The following SLIT3 variants were observed in gnomAD, a reference collection of about 807,000 sequenced individuals.
SLIT3 encodes the protein slit homolog 3 protein.
A neutral mutation model predicts 184.0 loss-of-function variants in SLIT3; 68 were observed. That is an observed-to-expected ratio of 0.37 (90% CI 0.30 to 0.45). The LOEUF (loss-of-function observed/expected upper bound fraction) is 0.45. Among genes scored for constraint, SLIT3 ranks in the 20% least tolerant of loss-of-function variants. The probability of loss-of-function intolerance (pLI) is 1.00; values close to 1 mark genes in which losing one functional copy is unlikely to be tolerated. For synonymous variants in SLIT3, 831 were observed against 828.6 expected (o/e 1.00, Z -0.05); for missense variants, 1,707 against 2,026.0 (o/e 0.84, Z 3.02).
intron 17 of SLIT3, 128 bp from the exon 18 acceptor site, chr5:168,753,226 T>C (rs1352670160): frequency 1.1e-6 from 1 of 937,502 alleles, no homozygotes; most frequent in Non-Finnish European, 1.6e-6. Context: ...TCCAGCCATG[T>C]TGATCAGGTT....
At chr5:168,965,635 TA>T (rs1184080449) in intron 4 of SLIT3, among the ~76,000 whole-genome samples, 1 of 152,194 alleles carries the variant, frequency 6.6e-6, no homozygotes, top group Non-Finnish European at 1.5e-5. Context: ...CACTTTGACA[TA>T]CCAGTGTAGC....
At chr5:168,797,020 C>T (rs1436339587) in intron 9 of SLIT3, among the ~76,000 whole-genome samples, 2 of 151,870 alleles carry the variant, frequency 1.3e-5, no homozygotes, top group Non-Finnish European at 2.9e-5. Context: ...AATGAGACTG[C>T]CACGATCTAT....
chr5:169,023,384 G>C (rs1042238147), intron 4 of SLIT3, among the ~76,000 whole-genome samples: 1 of 152,118 alleles, frequency 6.6e-6, no homozygotes, highest in Non-Finnish European at 1.5e-5. Context: ...AAAGAAAAAA[G>C]AGGGGTGGAA....
chr5:168,855,880 G>A (rs186184168), intron 5 of SLIT3, among the ~76,000 whole-genome samples: 17 of 152,232 alleles, frequency 1.1e-4, no homozygotes, highest in African/African-American at 2.6e-4. Context: ...AGGCCAAGGC[G>A]GGCGGATCAT....
In SLIT3 at chr5:168,753,976, G is replaced by C; in HGVS notation, c.1717C>G (p.Arg573Gly). 6.2e-7 allele frequency: 1 copy of C among 1,603,896 alleles called. No individual in the cohort carries two copies. The highest frequency in any genetic ancestry group is 8.5e-7 in the Non-Finnish European group (1 of 1,177,284). Residue 573 changes from arginine to glycine, a missense_variant, in exon 17 of 36, where the codon CGA becomes GGA. This residue lies in a region of SLIT3 where 1,307 missense variants were observed against 1,511.6 expected (regional missense o/e 0.86). Coordinates refer to ENST00000519560, the MANE Select transcript of SLIT3 (RefSeq NM_003062.4). ...GCTGCTCCATCGAAAGCTCCCTCTC[G>C]CACCTCCTTGATCTTATTGTTACTC... Reference protein sequence around the residue: ...NLSNNKIKEVREGAFDGAASV... With the variant: ...NLSNNKIKEVGEGAFDGAASV...
intron 4 of SLIT3, among the ~76,000 whole-genome samples, chr5:169,138,912 T>C (rs779260502): frequency 6.6e-6 from 1 of 152,264 alleles, no homozygotes; most frequent in Non-Finnish European, 1.5e-5. Context: ...TCCAGGACTA[T>C]CCTAAGAGGT....
intron 4 of SLIT3, among the ~76,000 whole-genome samples, chr5:169,092,893 C>T (rs925802727): frequency 3.9e-5 from 6 of 152,182 alleles, no homozygotes; most frequent in Non-Finnish European, 4.4e-5. Flanking sequence ...CATCAGCTAG[C>T]GTGGGCATAG....
chr5:169,004,843 C>G (rs565444655), intron 4 of SLIT3, among the ~76,000 whole-genome samples: 2 of 152,136 alleles, frequency 1.3e-5, no homozygotes, highest in Non-Finnish European at 2.9e-5. Flanking sequence ...CAGCTGCATG[C>G]CAGGAAGAAG....
intron 4 of SLIT3, among the ~76,000 whole-genome samples, chr5:169,129,894 G>A (rs79324978): frequency 0.036 from 5,541 of 152,102 alleles, 246 homozygotes; most frequent in African/African-American, 0.11. Flanking sequence ...TGTCACACAG[G>A]CTGGAGTGCA....
intron 20 of SLIT3, among the ~76,000 whole-genome samples, chr5:168,737,375 T>G (rs1340690492): frequency 3.3e-5 from 5 of 152,188 alleles, no homozygotes; most frequent in Non-Finnish European, 7.3e-5. Flanking sequence ...ACACTCACTC[T>G]CAGAGAGTTG....
intron 1 of SLIT3, among the ~76,000 whole-genome samples, chr5:169,271,087 A>C (rs1317713492): frequency 6.6e-6 from 1 of 152,196 alleles, no homozygotes; most frequent in Non-Finnish European, 1.5e-5. Context: ...CATCATGTGA[A>C]TGGTGGCCCA....
intron 4 of SLIT3, among the ~76,000 whole-genome samples, chr5:169,074,207 A>C (rs1473812667): frequency 6.6e-6 from 1 of 152,166 alleles, no homozygotes; most frequent in Non-Finnish European, 1.5e-5. Context: ...TGTTACCCTC[A>C]CAGGGCAAGT....
intron 4 of SLIT3, among the ~76,000 whole-genome samples, chr5:169,147,890 C>A (rs1761980804): frequency 6.6e-6 from 1 of 152,206 alleles, no homozygotes; most frequent in Admixed American, 6.5e-5. Context: ...GAGCTGTGTG[C>A]CTTTCCCTTT....
intron 26 of SLIT3, among the ~76,000 whole-genome samples, chr5:168,704,191 A>C (rs1762309972): frequency 6.6e-6 from 1 of 150,584 alleles, no homozygotes; most frequent in African/African-American, 2.5e-5. Flanking sequence ...TATGCACACA[A>C]AAGTTTGAGA....
intron 6 of SLIT3, among the ~76,000 whole-genome samples, chr5:168,827,101 G>T (rs1416978265): frequency 6.6e-6 from 1 of 152,130 alleles, no homozygotes; most frequent in Non-Finnish European, 1.5e-5. Context: ...TATCCCACGA[G>T]GCAGGGACTT....
intron 3 of SLIT3, among the ~76,000 whole-genome samples, chr5:169,199,489 G>A (rs1648759352): frequency 6.6e-6 from 1 of 152,290 alleles, no homozygotes; most frequent in Admixed American, 6.5e-5. Flanking sequence ...TTTCTGCAAT[G>A]CTGAAATCTC....
At chr5:169,207,366 T>TACACACAC (rs1360535639) in intron 3 of SLIT3, among the ~76,000 whole-genome samples, 14 of 84,346 alleles carry the variant, frequency 1.7e-4, no homozygotes, top group African/African-American at 7.1e-4. Flanking sequence ...TACATACACA[T>TACACACAC]ACATACACAC....
In SLIT3 at chr5:168,823,267, G is replaced by A. The variant is rs770447567; in HGVS notation, c.622C>T (p.Arg208Ter). ...CACAGACTTCTTACTCACAGAGTTC[G>A]GATCTTCGGCATGTGGTTGAAGCTG... The part of the protein sequence containing the change: ...VTSFNHMPKI[R>*]TLRLHSNHLY... Residue 208 changes from arginine (R) to a stop codon, truncating the protein, a stop_gained, in exon 7 of 36, where the codon CGA (arginine) becomes TGA (stop). Transcript: ENST00000519560. LOFTEE classifies it high-confidence loss of function. 4.3e-6 allele frequency: 7 copies of A among 1,613,412 alleles called. No individual in the cohort carries two copies. Among genetic ancestry groups the A allele is most frequent in the Middle Eastern group, 1.6e-4 (1 of 6,084 alleles).
At chr5:168,675,552 G>C (rs538885977) in intron 32 of SLIT3, among the ~76,000 whole-genome samples, 6 of 152,298 alleles carry the variant, frequency 3.9e-5, no homozygotes, top group African/African-American at 1.4e-4. Context: ...AATAAAATAA[G>C]AGAGGGTACG....
Sources: allele counts gnomAD v4.1 joint callset (sites outside exome capture counted in the v4.1 genomes callset), GRCh38; gene constraint gnomAD v4.1.1; regional missense constraint gnomAD v4.1.1; transcripts MANE v1.5; gene names NCBI Gene and HGNC (gene_info 2026-07-23, HGNC 2026-07-21).